Variants in PICALM observed in about 807,000 individuals in gnomAD.
PICALM encodes phosphatidylinositol binding clathrin assembly protein, also known as phosphatidylinositol-binding clathrin assembly protein.
Under a neutral mutation model 80.5 loss-of-function variants are expected in PICALM, and 40 were observed. That is an observed-to-expected ratio of 0.50 (90% CI 0.39 to 0.65). PICALM has a LOEUF of 0.65. Ranked by LOEUF, PICALM falls within the 30% of genes least tolerant of loss-of-function variation. PICALM has a pLI of 0.00. For missense variants in PICALM, 676 were observed against 778.9 expected (o/e 0.87, Z 1.57); for synonymous variants, 288 against 260.3 (o/e 1.11, Z -1.02).
chr11:86,038,157 T>TA (rs2095876122), intron 1 of PICALM, among the ~76,000 whole-genome samples: 1 of 151,810 alleles, frequency 6.6e-6, no homozygotes, highest in Non-Finnish European at 1.5e-5. Flanking sequence ...CTGTCTCTAC[T>TA]AAAAACACAA....
intron 1 of PICALM, among the ~76,000 whole-genome samples, chr11:86,057,344 G>A (rs2096284742): frequency 6.6e-6 from 1 of 152,112 alleles, no homozygotes; most frequent in Admixed American, 6.5e-5. Flanking sequence ...TTTGAGACCA[G>A]CCTGACCAAC....
intron 3 of PICALM, among the ~76,000 whole-genome samples, chr11:86,024,605 C>T (rs2095620890): frequency 1.3e-5 from 2 of 151,118 alleles, no homozygotes; most frequent in Non-Finnish European, 3.0e-5. Flanking sequence ...ACATAATTCC[C>T]TCTCCCCTCC....
chr11:85,990,068 A>G (rs1169639980), intron 13 of PICALM, among the ~76,000 whole-genome samples, 182 bp downstream of exon 13: 5 of 151,342 alleles, frequency 3.3e-5, no homozygotes, highest in Non-Finnish European at 5.9e-5. Context: ...AGTCTGTATA[A>G]ATAAAATTGG....
chr11:85,960,417 CTT>C (rs1426667788), intron 19 of PICALM, among the ~76,000 whole-genome samples: 1 of 152,180 alleles, frequency 6.6e-6, no homozygotes, highest in African/African-American at 2.4e-5. Context: ...AAAAAGCAAA[CTT>C]TATCCGATCT....
chr11:86,022,271 ACTGG>A (rs2095577290), intron 4 of PICALM, 92 bp downstream of exon 4: 1 of 697,336 alleles, frequency 1.4e-6, no homozygotes, highest in South Asian at 1.8e-5. Flanking sequence ...ATCTTTTAAA[ACTGG>A]CTAAAATTTC....
At chr11:86,044,598 A>C (rs1272260695) in intron 1 of PICALM, among the ~76,000 whole-genome samples, 1 of 152,122 alleles carries the variant, frequency 6.6e-6, no homozygotes, top group Non-Finnish European at 1.5e-5. Context: ...AAGTGACGTA[A>C]CTGTAGCTAG....
intron 13 of PICALM, among the ~76,000 whole-genome samples, chr11:85,987,730 T>C (rs975633046): frequency 6.6e-6 from 1 of 152,218 alleles, no homozygotes; most frequent in African/African-American, 2.4e-5. Flanking sequence ...CTCAGCTTCC[T>C]AATTAGCTGG....
intron 18 of PICALM, among the ~76,000 whole-genome samples, chr11:85,975,913 T>C (rs1003224827): frequency 1.3e-5 from 2 of 152,082 alleles, no homozygotes; most frequent in African/African-American, 4.8e-5. Flanking sequence ...GACATTTTAA[T>C]GCAATGACTA....
At chr11:86,026,262 G>T in intron 3 of PICALM, 30 bp downstream of exon 3, 3 of 1,243,688 alleles carry the variant, frequency 2.4e-6, no homozygotes, top group South Asian at 2.5e-5. Flanking sequence ...TCATTCTTTT[G>T]ATTTTCTATA....
chr11:86,014,000 A>T (rs1470119738), intron 5 of PICALM, among the ~76,000 whole-genome samples: 1 of 152,194 alleles, frequency 6.6e-6, no homozygotes, highest in Admixed American at 6.5e-5. Flanking sequence ...TCAACCACTT[A>T]AAAAACATAC....
At chr11:86,040,003 CAAA>C (rs752086947) in intron 1 of PICALM, among the ~76,000 whole-genome samples, 2 of 53,380 alleles carry the variant, frequency 3.7e-5, no homozygotes, top group East Asian at 5.1e-4. Flanking sequence ...GACGCCGTCT[CAAA>C]AAAAAAAAAA....
At position 85,959,056 on chromosome 11, in the gene PICALM, T is replaced by C; in HGVS notation, c.1949A>G (p.Gln650Arg). ...PFGPVSGAQI[Q>R]FM ...TTTTCTTCCATCAAGTTACATAAAC[T>C]GTATCTGGAAAAAAAAAGTGGGTAT... Residue 650 changes from glutamine to arginine, a missense_variant, in exon 20 of 20, where the codon CAG becomes CGG. By Grantham distance (43) the Gln-to-Arg change is conservative. Coordinates refer to ENST00000393346, the MANE Select transcript of PICALM (RefSeq NM_007166.4). 6.3e-7 allele frequency: 1 copy of C among 1,586,858 alleles called. No individual in the cohort carries two copies.
At chr11:85,966,446 A>G (rs2093901370) in intron 19 of PICALM, among the ~76,000 whole-genome samples, 1 of 152,164 alleles carries the variant, frequency 6.6e-6, no homozygotes, top group Non-Finnish European at 1.5e-5. Context: ...ACCTTTAAAT[A>G]TTTTCTTAGT....
chr11:85,990,709 T>C (rs1328629497), intron 12 of PICALM, among the ~76,000 whole-genome samples: 4 of 152,146 alleles, frequency 2.6e-5, no homozygotes, highest in African/African-American at 9.7e-5. Flanking sequence ...TGCACCAATC[T>C]TCCCTGTCCT....
At chr11:85,983,247 T>C (rs1592541957) in intron 14 of PICALM, among the ~76,000 whole-genome samples, 1 of 152,332 alleles carries the variant, frequency 6.6e-6, no homozygotes, top group East Asian at 1.9e-4. Context: ...AACAGAATTA[T>C]GAGTGTCAAA....
chr11:85,999,095 C>T (rs1252656369), intron 11 of PICALM, among the ~76,000 whole-genome samples: 1 of 152,180 alleles, frequency 6.6e-6, no homozygotes, highest in Non-Finnish European at 1.5e-5. Flanking sequence ...GTGTTGAGAA[C>T]ATTCTAAATC....
chr11:86,030,621 A>G (rs993696786), intron 2 of PICALM, among the ~76,000 whole-genome samples: 1 of 152,264 alleles, frequency 6.6e-6, no homozygotes, highest in African/African-American at 2.4e-5. Flanking sequence ...CACGGAAAGT[A>G]AGATGATTCT....
chr11:86,041,555 C>G (rs1268495059), intron 1 of PICALM, among the ~76,000 whole-genome samples: 1 of 151,866 alleles, frequency 6.6e-6, no homozygotes, highest in East Asian at 1.9e-4. Context: ...AGAAAGAATT[C>G]AGATAGAACT....
Position 86,001,154 on chromosome 11 carries a change from T to C in PICALM, c.898A>G (p.Thr300Ala), listed in dbSNP as rs776634631. ...IKDSTAASRA[T>A]TLSNAVSSLA... ...GAAGACACTGCATTGGAAAGTGTAG[T>C]TGCCCTAGGATAATTGAACAGAGAT... Residue 300 changes from threonine (T) to alanine (A), a missense_variant, in exon 10 of 20, where the codon ACT becomes GCT. Transcript: ENST00000393346. 1.9e-6 allele frequency: 3 copies of C among 1,613,608 alleles called. No individual in the cohort carries two copies. Among genetic ancestry groups the C allele is most frequent in the Non-Finnish European group, 2.5e-6 (3 of 1,179,760 alleles).
Sources: allele counts gnomAD v4.1 joint callset (sites outside exome capture counted in the v4.1 genomes callset), GRCh38; gene constraint gnomAD v4.1.1; transcripts MANE v1.5; gene names NCBI Gene and HGNC (gene_info 2026-07-23, HGNC 2026-07-21).